LRP1B: variants seen among roughly 807,000 people sequenced by gnomAD.
The protein encoded by LRP1B is LDL receptor related protein 1B, also known as low-density lipoprotein receptor-related protein 1B.
LRP1B carries 217 observed loss-of-function variants against 556.6 expected under a neutral mutation model. The ratio of observed to expected loss-of-function variants is 0.39; its 90% confidence interval spans 0.35 to 0.44. The LOEUF is 0.44. Ranked by LOEUF, LRP1B falls within the 20% of genes least tolerant of loss-of-function variation. LRP1B has a pLI of 1.00. For missense variants in LRP1B, 5,053 were observed against 5,620.8 expected (o/e 0.90, Z 3.23); for synonymous variants, 2,047 against 1,865.8 (o/e 1.10, Z -2.50).
chr2:140,923,740 AAATAT>A (rs1200065844), intron 20 of LRP1B, among the ~76,000 whole-genome samples: 1 of 152,062 alleles, frequency 6.6e-6, no homozygotes, highest in Non-Finnish European at 1.5e-5. Context: ...ATAGACACTT[AAATAT>A]AAGAATTGAA....
chr2:140,645,261 T>C (rs953050333), intron 41 of LRP1B, among the ~76,000 whole-genome samples: 1 of 152,102 alleles, frequency 6.6e-6, no homozygotes, highest in Non-Finnish European at 1.5e-5. Flanking sequence ...ATGTAATTCT[T>C]ACAGTGAGGT....
Position 141,096,154 on chromosome 2 carries a change from A to ATT in LRP1B, c.1014-33882_1014-33881insAA, listed in dbSNP as rs1700294003. Among the ~76,000 whole-genome samples, 4 of 152,286 alleles carry ATT rather than the reference A, an allele frequency of 2.6e-5. No individual in the cohort carries two copies. The South Asian group carries it at 8.3e-4, about 32-fold the overall frequency. On this transcript the variant is annotated intron_variant, in intron 7 of 90. Transcript: ENST00000389484. Reference sequence around the variant, plus strand: ...TTCCTATTATACTTCCCCATGCCAAATATGTTATAATAAATTAGGTTAGGA... The same window carrying ATT: ...TTCCTATTATACTTCCCCATGCCAAATTTATGTTATAATAAATTAGGTTAGGA...
chr2:140,901,789 A>G (rs1386084308), intron 23 of LRP1B, among the ~76,000 whole-genome samples: 3 of 152,112 alleles, frequency 2.0e-5, no homozygotes, highest in African/African-American at 4.8e-5. Flanking sequence ...ATTTATTTTG[A>G]TGTCATGAAA....
At chr2:140,325,712 T>G in intron 80 of LRP1B, 50 bp downstream of exon 80, 1 of 1,244,472 alleles carries the variant, frequency 8.0e-7, no homozygotes. Context: ...GTATTAGTAT[T>G]TAACACTCTC....
chr2:141,264,252 A>T (rs1684805128), intron 3 of LRP1B, among the ~76,000 whole-genome samples: 1 of 152,232 alleles, frequency 6.6e-6, no homozygotes, highest in African/African-American at 2.4e-5. Context: ...AATTATATTG[A>T]AAGTTTATTT....
intron 46 of LRP1B, among the ~76,000 whole-genome samples, chr2:140,534,741 A>G (rs1034494247): frequency 2.0e-5 from 3 of 152,146 alleles, no homozygotes; most frequent in African/African-American, 7.2e-5. Context: ...TACCACTTAC[A>G]ATAATAATAG....
At chr2:141,739,849 C>A (rs982091439) in intron 2 of LRP1B, among the ~76,000 whole-genome samples, 1 of 151,946 alleles carries the variant, frequency 6.6e-6, no homozygotes, top group Non-Finnish European at 1.5e-5. Flanking sequence ...AAACCATATG[C>A]CTTTTCCTCC....
At chr2:141,850,646 G>GTT (rs1278904976) in intron 1 of LRP1B, among the ~76,000 whole-genome samples, 1 of 150,876 alleles carries the variant, frequency 6.6e-6, no homozygotes, top group East Asian at 2.0e-4. Flanking sequence ...GTGTGTGTGT[G>GTT]TGTGTGTGTG....
chr2:140,314,815 T>C (rs987526147), intron 83 of LRP1B, 120 bp downstream of exon 83: 4 of 670,810 alleles, frequency 6.0e-6, no homozygotes, highest in African/African-American at 5.6e-5. Context: ...TGTTATTATA[T>C]TGTGTTAGTC....
At chr2:140,935,442 G>GA in intron 20 of LRP1B, among the ~76,000 whole-genome samples, 1 of 151,994 alleles carries the variant, frequency 6.6e-6, no homozygotes, top group South Asian at 2.1e-4. Flanking sequence ...GCTGGAAGAA[G>GA]AAAAAACAGG....
At chr2:140,969,328 T>C (rs527292219) in intron 18 of LRP1B, among the ~76,000 whole-genome samples, 1 of 152,346 alleles carries the variant, frequency 6.6e-6, no homozygotes, top group Non-Finnish European at 1.5e-5. Flanking sequence ...AAGTCTGTTT[T>C]ATCAGAGACT....
intron 21 of LRP1B, among the ~76,000 whole-genome samples, chr2:140,922,149 C>T (rs1694752923): frequency 1.3e-5 from 2 of 152,090 alleles, no homozygotes; most frequent in African/African-American, 4.8e-5. Flanking sequence ...TAAACTTCAA[C>T]ACATCATCTG....
rs145236984 is a variant in LRP1B at position 141,641,868 on chromosome 2, T to C, written c.206-161335A>G. The stretch of plus-strand genomic sequence containing the variant: ...ATACTATTATTGAAAAGTTATATTA[T>C]ATATTGAAATACAGGATTGTTTTAC... On this transcript the variant is annotated intron_variant, in intron 2 of 90. Transcript: ENST00000389484. Among the ~76,000 whole-genome samples, 413 of 152,292 alleles carry C rather than the reference T, an allele frequency of 2.7e-3. 2 individuals carry two copies. The highest frequency in any genetic ancestry group is 9.3e-3 in the African/African-American group (385 of 41,582).
chr2:140,909,647 T>C (rs565694858), intron 21 of LRP1B, among the ~76,000 whole-genome samples: 2 of 151,060 alleles, frequency 1.3e-5, no homozygotes, highest in South Asian at 2.1e-4. Flanking sequence ...AATTAGGTAA[T>C]AGAAAGAAAT....
intron 1 of LRP1B, among the ~76,000 whole-genome samples, chr2:141,838,411 T>C (rs1019869786): frequency 1.3e-5 from 2 of 152,166 alleles, no homozygotes; most frequent in Non-Finnish European, 2.9e-5. Flanking sequence ...CTTTTGCATC[T>C]CTCAGCTATT....
At chr2:140,615,751 C>A (rs969748823) in intron 41 of LRP1B, among the ~76,000 whole-genome samples, 6 of 151,896 alleles carry the variant, frequency 4.0e-5, no homozygotes, top group Non-Finnish European at 8.8e-5. Context: ...CAGATAAATA[C>A]CTTCTCAACA....
intron 25 of LRP1B, among the ~76,000 whole-genome samples, chr2:140,874,068 G>A (rs1362751013): frequency 6.6e-6 from 1 of 151,994 alleles, no homozygotes; most frequent in African/African-American, 2.4e-5. Context: ...AAACCAGAAA[G>A]TCCAAGCATG....
chr2:140,304,446 A>C (rs1683976489), intron 83 of LRP1B, among the ~76,000 whole-genome samples: 1 of 152,188 alleles, frequency 6.6e-6, no homozygotes, highest in Non-Finnish European at 1.5e-5. Flanking sequence ...TGTTGGCTGC[A>C]TAAATGTCTT....
chr2:142,076,322 A>G (rs895775735), intron 1 of LRP1B, among the ~76,000 whole-genome samples: 6 of 152,088 alleles, frequency 3.9e-5, no homozygotes, highest in Non-Finnish European at 8.8e-5. Context: ...GAAAATAACT[A>G]TTCACACCAA....
Sources: allele counts gnomAD v4.1 joint callset (sites outside exome capture counted in the v4.1 genomes callset), GRCh38; gene constraint gnomAD v4.1.1; transcripts MANE v1.5; gene names NCBI Gene and HGNC (gene_info 2026-07-23, HGNC 2026-07-21).